The following PCDH15 variants were observed in gnomAD, a reference collection of about 807,000 sequenced individuals.
PCDH15 encodes the protein protocadherin-15.
PCDH15 carries 129 observed loss-of-function variants against 178.5 expected under a neutral mutation model. The observed-to-expected ratio is 0.72, with a 90% CI of 0.63 to 0.84. The LOEUF is 0.84. PCDH15 is among the 40% of genes least tolerant of loss of function. PCDH15 has a pLI of 0.00. For synonymous variants in PCDH15, 800 were observed against 732.0 expected (o/e 1.09, Z -1.50); for missense variants, 2,230 against 2,099.9 (o/e 1.06, Z -1.21).
At chr10:54,459,708 A>G (rs1282317867) in intron 3 of PCDH15, among the ~76,000 whole-genome samples, 4 of 152,160 alleles carry the variant, frequency 2.6e-5, no homozygotes, top group Non-Finnish European at 5.9e-5. Context: ...ATGTAATCAT[A>G]AAATTGCAGT....
At chr10:54,076,933 C>G (rs930497005) in intron 17 of PCDH15, among the ~76,000 whole-genome samples, 1 of 152,038 alleles carries the variant, frequency 6.6e-6, no homozygotes, top group Non-Finnish European at 1.5e-5. Context: ...CTGTTTTAAA[C>G]CACATGATTC....
In PCDH15 at chr10:54,673,003, T is replaced by C. The variant is rs7916638; in HGVS notation, c.-28-8713A>G. ...AATGACATAGCAAACAGGTAGTATCTACATTCCTAATTTTTTTTCTTAAAT... is the reference window on the plus strand; with the variant it reads ...AATGACATAGCAAACAGGTAGTATCCACATTCCTAATTTTTTTTCTTAAAT... On this transcript the variant is annotated intron_variant, in intron 1 of 37. Coordinates refer to ENST00000644397, the MANE Select transcript of PCDH15 (RefSeq NM_001384140.1). Among the ~76,000 whole-genome samples the C allele has an allele frequency of 1.6e-3, 244 of 152,300 alleles. 4 individuals carry two copies. Among genetic ancestry groups the C allele is most frequent in the African/African-American group, 5.7e-3 (236 of 41,562 alleles).
intron 8 of PCDH15, among the ~76,000 whole-genome samples, chr10:54,285,551 CA>C (rs1223071748): frequency 6.6e-6 from 1 of 151,958 alleles, no homozygotes; most frequent in Non-Finnish European, 1.5e-5. Context: ...CGAATATTAT[CA>C]AATAGACAAA....
At chr10:54,919,475 G>T (rs1837428222) in intron 2 of PCDH15, among the ~76,000 whole-genome samples, 1 of 152,120 alleles carries the variant, frequency 6.6e-6, no homozygotes, top group African/African-American at 2.4e-5. Context: ...GTGCCTTTAA[G>T]ATACTTCCTC....
intron 2 of PCDH15, among the ~76,000 whole-genome samples, chr10:55,449,783 A>G (rs1384965792): frequency 6.6e-6 from 1 of 152,140 alleles, no homozygotes; most frequent in African/African-American, 2.4e-5. Context: ...AAAGGTGAAT[A>G]CGAGAACCCT....
intron 3 of PCDH15, among the ~76,000 whole-genome samples, chr10:54,440,107 A>G (rs973627400): frequency 4.6e-5 from 7 of 152,004 alleles, no homozygotes; most frequent in East Asian, 3.9e-4. Flanking sequence ...GCAATTGACT[A>G]TCTACTGTTT....
In PCDH15 at chr10:54,992,403, C is replaced by T. The variant is rs115599886; in HGVS notation, c.-79-94903G>A. ...GTCAGTTGACCTAAAGTTTTCAGGA[C>T]AGAAAACCAGACCCGCCCTCAGCAA... On this transcript the variant is annotated intron_variant, in intron 2 of 5. Transcript: ENST00000458638. 6.3e-3 allele frequency among the ~76,000 whole-genome samples: 958 copies of T among 152,216 alleles called. 9 individuals are homozygous for T. The highest frequency in any genetic ancestry group is 0.022 in the African/African-American group (917 of 41,544).
chr10:54,078,986 G>T (rs2094391544), intron 17 of PCDH15, among the ~76,000 whole-genome samples: 1 of 152,108 alleles, frequency 6.6e-6, no homozygotes, highest in South Asian at 2.1e-4. Context: ...AGTGTAACAG[G>T]TTCCAACATA....
chr10:55,096,507 G>T (rs1168575360), intron 2 of PCDH15, among the ~76,000 whole-genome samples: 1 of 152,056 alleles, frequency 6.6e-6, no homozygotes, highest in Non-Finnish European at 1.5e-5. Context: ...CAATACTTAA[G>T]ATCTACTTTT....
At chr10:54,830,439 A>G (rs566591001) in intron 3 of PCDH15, among the ~76,000 whole-genome samples, 1 of 152,164 alleles carries the variant, frequency 6.6e-6, no homozygotes, top group African/African-American at 2.4e-5. Flanking sequence ...TTGTAGGGAC[A>G]TGGATGAAGC....
At chr10:55,326,512 T>A (rs373760525) in intron 2 of PCDH15, among the ~76,000 whole-genome samples, 4 of 151,982 alleles carry the variant, frequency 2.6e-5, no homozygotes, top group African/African-American at 9.6e-5. Context: ...CTTGCCTGTA[T>A]AACAAACATG....
rs963771744 is a variant in PCDH15, at chr10:55,294,986, T to G, written c.-156+24613A>C. On this transcript the variant is annotated intron_variant, in intron 1 of 5. Transcript: ENST00000458638. ...TTTATTAAAATATTAGTATTACAAG[T>G]TCCACCTCTTTTTAGATAATGCTTT... 1.1e-4 allele frequency among the ~76,000 whole-genome samples: 17 copies of G among 152,302 alleles called. No individual in the cohort carries two copies. The East Asian group carries it at 3.3e-3, about 29-fold the overall frequency.
chr10:55,022,161 C>CA (rs1840347464), intron 2 of PCDH15, among the ~76,000 whole-genome samples: 1 of 151,602 alleles, frequency 6.6e-6, no homozygotes, highest in South Asian at 2.1e-4. Context: ...TCGTATTATT[C>CA]AAAAATGTAG....
At chr10:54,771,876 A>G (rs1306120705) in intron 1 of PCDH15, among the ~76,000 whole-genome samples, 2 of 152,158 alleles carry the variant, frequency 1.3e-5, no homozygotes, top group Non-Finnish European at 2.9e-5. Flanking sequence ...TAATAAGTGA[A>G]AGTATCTGTA....
chr10:54,799,727 T>A (rs1228676991), intron 1 of PCDH15, among the ~76,000 whole-genome samples: 1 of 151,922 alleles, frequency 6.6e-6, no homozygotes, highest in Non-Finnish European at 1.5e-5. Flanking sequence ...GGAGAATGAG[T>A]CCACAGTCAA....
At chr10:53,961,703 A>G in intron 22 of PCDH15, 49 bp downstream of exon 22, 1 of 1,419,894 alleles carries the variant, frequency 7.0e-7, no homozygotes, top group Non-Finnish European at 9.4e-7. Flanking sequence ...CAAATTCTCT[A>G]TCAAAAATTA....
chr10:54,931,184 A>G (rs1220198796), intron 2 of PCDH15, among the ~76,000 whole-genome samples: 1 of 152,182 alleles, frequency 6.6e-6, no homozygotes, highest in Non-Finnish European at 1.5e-5. Context: ...GTGATGAGCT[A>G]TATTATCCTC....
intron 2 of PCDH15, among the ~76,000 whole-genome samples, chr10:54,953,031 G>A (rs1838386225): frequency 6.6e-6 from 1 of 151,578 alleles, no homozygotes; most frequent in African/African-American, 2.4e-5. Context: ...AGAATGTTAA[G>A]TAGAAGTTTT....
At chr10:55,489,643 T>C (rs1335984399) in intron 2 of PCDH15, among the ~76,000 whole-genome samples, 1 of 151,700 alleles carries the variant, frequency 6.6e-6, no homozygotes, top group African/African-American at 2.4e-5. Context: ...ACATCGAGTA[T>C]TGCTGTAAGA....
Sources: allele counts gnomAD v4.1 joint callset (sites outside exome capture counted in the v4.1 genomes callset), GRCh38; gene constraint gnomAD v4.1.1; transcripts MANE v1.5; gene names NCBI Gene and HGNC (gene_info 2026-07-23, HGNC 2026-07-21).